The following DCC variants were observed in gnomAD, a reference collection of about 807,000 sequenced individuals.
DCC encodes DCC netrin 1 receptor, also known as netrin receptor DCC.
In DCC, 58 loss-of-function variants were observed where a neutral mutation model predicts 172.5. The ratio of observed to expected loss-of-function variants is 0.34; its 90% CI spans 0.27 to 0.42. The LOEUF is 0.42. Ranked by LOEUF, DCC falls within the 10% of genes least tolerant of loss-of-function variation. The pLI is 1.00. For missense variants in DCC, 1,740 were observed against 1,791.0 expected (o/e 0.97, Z 0.51); for synonymous variants, 709 against 644.5 (o/e 1.10, Z -1.52).
chr18:52,982,337 A>G (rs1461294475), intron 5 of DCC, among the ~76,000 whole-genome samples: 1 of 152,194 alleles, frequency 6.6e-6, no homozygotes, highest in Admixed American at 6.5e-5. Context: ...AGGGCAATGC[A>G]GCAGATGACA....
At chr18:52,585,058 A>AT (rs1294229024) in intron 1 of DCC, among the ~76,000 whole-genome samples, 3 of 152,268 alleles carry the variant, frequency 2.0e-5, no homozygotes, top group African/African-American at 7.2e-5. Flanking sequence ...CTAAGACGGT[A>AT]TTTTTTACAA....
At chr18:52,467,669 G>A (rs568549732) in intron 1 of DCC, among the ~76,000 whole-genome samples, 7 of 152,254 alleles carry the variant, frequency 4.6e-5, no homozygotes, top group East Asian at 1.9e-4. Context: ...CACCAACAGC[G>A]TAAAATCGTT....
chr18:52,981,911 C>T (rs2041216892), intron 5 of DCC, among the ~76,000 whole-genome samples: 1 of 151,872 alleles, frequency 6.6e-6, no homozygotes, highest in Admixed American at 6.6e-5. Flanking sequence ...TAAGCAGGAT[C>T]TTGAAAGAAA....
chr18:53,063,978 A>C (rs1229164759), intron 6 of DCC, among the ~76,000 whole-genome samples: 1 of 152,156 alleles, frequency 6.6e-6, no homozygotes, highest in East Asian at 1.9e-4. Flanking sequence ...TGATGTGGTA[A>C]TGAGGACAGT....
intron 1 of DCC, among the ~76,000 whole-genome samples, chr18:52,355,224 T>C (rs1984307130): frequency 6.6e-6 from 1 of 150,982 alleles, no homozygotes; most frequent in Non-Finnish European, 1.5e-5. Context: ...AAAAAGCACA[T>C]AGAATGAAAA....
intron 2 of DCC, among the ~76,000 whole-genome samples, chr18:52,791,226 TGCAAAGGTCTA>T: frequency 6.6e-6 from 1 of 152,318 alleles, no homozygotes; most frequent in East Asian, 1.9e-4. Context: ...TTGCAATGCT[TGCAAAGGTCTA>T]GCAAAAAGGC....
intron 1 of DCC, among the ~76,000 whole-genome samples, chr18:52,613,927 A>G (rs1182011158): frequency 6.6e-6 from 1 of 152,208 alleles, no homozygotes; most frequent in South Asian, 2.1e-4. Flanking sequence ...GAAAAGAATT[A>G]TTAGAATAGA....
intron 28 of DCC, chr18:53,526,977 A>AGTT: frequency 1.8e-6 from 1 of 563,124 alleles, no homozygotes; most frequent in Non-Finnish European, 3.2e-6. Context: ...TATGTAAAAA[A>AGTT]GTTGATTCTT....
chr18:53,196,678 C>T (rs1300450477), intron 9 of DCC, among the ~76,000 whole-genome samples: 1 of 152,086 alleles, frequency 6.6e-6, no homozygotes, highest in East Asian at 1.9e-4. Flanking sequence ...ATCTATATCA[C>T]ACATTATATA....
chr18:53,024,684 T>G (rs2041932441), intron 5 of DCC, among the ~76,000 whole-genome samples: 2 of 152,148 alleles, frequency 1.3e-5, no homozygotes, highest in South Asian at 4.1e-4. Context: ...TTGATCTACT[T>G]TTAAGTAATA....
At chr18:53,269,514 A>G (rs1257305199) in intron 12 of DCC, among the ~76,000 whole-genome samples, 1 of 152,154 alleles carries the variant, frequency 6.6e-6, no homozygotes, top group Non-Finnish European at 1.5e-5. Context: ...TCCTGCATGC[A>G]AAGAATAGGA....
intron 28 of DCC, among the ~76,000 whole-genome samples, chr18:53,529,032 TCTCTCTCA>T (rs1160018245): frequency 2.6e-3 from 170 of 65,218 alleles, no homozygotes; most frequent in South Asian, 7.0e-3. Flanking sequence ...TCTCTCTCTC[TCTCTCTCA>T]CACACACACA....
At chr18:52,368,271 C>G (rs1984965131) in intron 1 of DCC, among the ~76,000 whole-genome samples, 1 of 151,988 alleles carries the variant, frequency 6.6e-6, no homozygotes, top group Non-Finnish European at 1.5e-5. Flanking sequence ...TTCTTTTTTT[C>G]ATGAACATGT....
intron 2 of DCC, among the ~76,000 whole-genome samples, chr18:52,826,137 C>T (rs1258954134): frequency 6.6e-6 from 1 of 152,176 alleles, no homozygotes; most frequent in African/African-American, 2.4e-5. Context: ...GCTGCCATTT[C>T]AAAATTTTTA....
intron 15 of DCC, among the ~76,000 whole-genome samples, chr18:53,353,422 T>TAAAC (rs10647271): frequency 0.98 from 148,434 of 152,180 alleles, 72,501 homozygotes; most frequent in Middle Eastern, 1. Context: ...AATAGATAAA[T>TAAAC]AAATATCCTT....
chr18:53,491,930 A>C (rs1323315251), intron 26 of DCC, among the ~76,000 whole-genome samples: 1 of 152,224 alleles, frequency 6.6e-6, no homozygotes, highest in Non-Finnish European at 1.5e-5. Context: ...TCCAACCAAC[A>C]GTGTAAAAGC....
chr18:52,876,773 T>C (rs1390988265), intron 2 of DCC, among the ~76,000 whole-genome samples: 2 of 152,164 alleles, frequency 1.3e-5, no homozygotes, highest in Non-Finnish European at 2.9e-5. Flanking sequence ...ACATGCATTG[T>C]GCTCAGGAGC....
At chr18:53,459,531 G>A in intron 24 of DCC, 73 bp downstream of exon 24, 1 of 922,372 alleles carries the variant, frequency 1.1e-6, no homozygotes, top group Non-Finnish European at 1.8e-6. Context: ...CTCCTTTTAT[G>A]GAAATGTCTT....
chr18:53,477,251 C>T (rs1161387592), intron 25 of DCC, among the ~76,000 whole-genome samples: 1 of 152,170 alleles, frequency 6.6e-6, no homozygotes, highest in East Asian at 1.9e-4. Context: ...TCAAGTGATC[C>T]TCCTGCCTCT....
Sources: allele counts gnomAD v4.1 joint callset (sites outside exome capture counted in the v4.1 genomes callset), GRCh38; gene constraint gnomAD v4.1.1; transcripts MANE v1.5; gene names NCBI Gene and HGNC (gene_info 2026-07-23, HGNC 2026-07-21).